The following SOX5 variants were observed in gnomAD, a reference collection of about 807,000 sequenced individuals.
SOX5 encodes SRY-box transcription factor 5.
Under a neutral mutation model 92.0 loss-of-function variants are expected in SOX5, and 9 were observed. The ratio of observed to expected loss-of-function variants is 0.10; its 90% CI spans 0.06 to 0.17. SOX5 has a LOEUF of 0.17. SOX5 is among the 10% of genes least tolerant of loss of function. The probability of loss-of-function intolerance (pLI) is 1.00; values close to 1 mark genes in which losing one functional copy is unlikely to be tolerated. For missense variants in SOX5, 642 were observed against 944.5 expected, an observed-to-expected ratio of 0.68 and a Z score of 4.20; for synonymous variants, 344 against 336.3, an observed-to-expected ratio of 1.02 and a Z score of -0.25.
chr12:23,664,542 T>C (rs889858876), intron 7 of SOX5, among the ~76,000 whole-genome samples: 3 of 152,184 alleles, frequency 2.0e-5, no homozygotes, highest in African/African-American at 7.2e-5. Flanking sequence ...TGTGTTATTA[T>C]TTTTATCTTA....
chr12:24,354,293 A>G (rs1399179686), intron 2 of SOX5, among the ~76,000 whole-genome samples: 1 of 152,242 alleles, frequency 6.6e-6, no homozygotes, highest in Non-Finnish European at 1.5e-5. Flanking sequence ...AAACAAAAAA[A>G]TCCCTCAATA....
intron 4 of SOX5, among the ~76,000 whole-genome samples, chr12:24,015,510 C>T (rs1485557163): frequency 6.6e-6 from 1 of 152,070 alleles, no homozygotes; most frequent in Non-Finnish European, 1.5e-5. Flanking sequence ...TATTGTTCGC[C>T]TCTTGTTCCC....
chr12:23,995,931 G>A (rs1014818447), intron 4 of SOX5, among the ~76,000 whole-genome samples: 5 of 152,064 alleles, frequency 3.3e-5, no homozygotes, highest in Non-Finnish European at 7.4e-5. Flanking sequence ...CCTTTAATCT[G>A]TCTTACCTTG....
chr12:24,485,392 AAAAGC>A (rs775725847), intron 1 of SOX5, among the ~76,000 whole-genome samples: 8 of 152,226 alleles, frequency 5.3e-5, no homozygotes, highest in Non-Finnish European at 1.0e-4. Flanking sequence ...AACTGGCATT[AAAAGC>A]ACAGAATTGT....
At chr12:24,283,997 G>A (rs973387239) in intron 2 of SOX5, among the ~76,000 whole-genome samples, 2 of 152,220 alleles carry the variant, frequency 1.3e-5, no homozygotes, top group African/African-American at 2.4e-5. Flanking sequence ...TGAACAGGAA[G>A]TATGTAAAAA....
intron 4 of SOX5, among the ~76,000 whole-genome samples, chr12:23,973,235 C>T (rs139586463): frequency 0.019 from 2,855 of 147,472 alleles, 32 homozygotes; most frequent in East Asian, 0.03. Flanking sequence ...GATCTCAGCT[C>T]ACTGCAACCT....
intron 6 of SOX5, among the ~76,000 whole-genome samples, chr12:23,724,933 A>C (rs1166427154): frequency 6.6e-6 from 1 of 152,178 alleles, no homozygotes; most frequent in African/African-American, 2.4e-5. Context: ...GGTGACCAAC[A>C]TGGTTAGGAG....
chr12:23,952,486 A>C (rs1007235074), upstream of SOX5, among the ~76,000 whole-genome samples: 1 of 152,248 alleles, frequency 6.6e-6, no homozygotes, highest in Non-Finnish European at 1.5e-5. Context: ...TTTTATTGGC[A>C]CTTAATATAT....
At chr12:24,400,993 A>T (rs1310376892) in intron 1 of SOX5, among the ~76,000 whole-genome samples, 1 of 152,196 alleles carries the variant, frequency 6.6e-6, no homozygotes, top group Non-Finnish European at 1.5e-5. Context: ...GGTGACAGAG[A>T]CATTAACTTT....
intron 1 of SOX5, among the ~76,000 whole-genome samples, chr12:24,528,247 C>T (rs1464218094): frequency 6.6e-6 from 1 of 152,166 alleles, no homozygotes; most frequent in Non-Finnish European, 1.5e-5. Context: ...GTGGCAGAGT[C>T]GGCTCTGCTG....
intron 3 of SOX5, among the ~76,000 whole-genome samples, chr12:23,826,556 G>A (rs2096238171): frequency 6.6e-6 from 1 of 152,116 alleles, no homozygotes; most frequent in Admixed American, 6.5e-5. Flanking sequence ...TATAAGGACT[G>A]ACAACTGACC....
chr12:23,827,009 T>A (rs971444374), intron 3 of SOX5, among the ~76,000 whole-genome samples: 1 of 152,212 alleles, frequency 6.6e-6, no homozygotes, highest in African/African-American at 2.4e-5. Flanking sequence ...CAGCTACTGA[T>A]CTCTTCAGTA....
At chr12:24,483,560 T>C (rs907001369) in intron 1 of SOX5, among the ~76,000 whole-genome samples, 1 of 152,204 alleles carries the variant, frequency 6.6e-6, no homozygotes, top group African/African-American at 2.4e-5. Context: ...AGGAACTCCT[T>C]TGTATTTAAC....
chr12:24,325,692 A>C (rs973152719), intron 2 of SOX5, among the ~76,000 whole-genome samples: 23 of 152,228 alleles, frequency 1.5e-4, no homozygotes, highest in Non-Finnish European at 3.4e-4. Context: ...GATATGATAT[A>C]AAAAAGGACA....
In SOX5 at chr12:24,131,624, C is replaced by T. The variant is rs550623484; in HGVS notation, c.-2+81719G>A. On this transcript the variant is annotated intron_variant, in intron 4 of 4. Coordinates refer to the SOX5 transcript ENST00000446891. ...TTTATAATCTCACTGTAAGAATATG[C>T]AGAAGATGAAAATGTACAACAGAAG... Among the ~76,000 whole-genome samples the T allele has an allele frequency of 7.9e-5, 12 of 152,202 alleles. No homozygotes were observed. The South Asian group carries it at 2.5e-3, about 32-fold the overall frequency.
intron 1 of SOX5, among the ~76,000 whole-genome samples, chr12:23,913,354 T>C (rs1465399790): frequency 6.6e-6 from 1 of 152,134 alleles, no homozygotes; most frequent in Non-Finnish European, 1.5e-5. Flanking sequence ...TTTCTTTTTT[T>C]AAGTTCTTTT....
intron 1 of SOX5, among the ~76,000 whole-genome samples, chr12:24,425,737 C>T (rs1196239407): frequency 6.6e-6 from 1 of 152,178 alleles, no homozygotes; most frequent in East Asian, 1.9e-4. Context: ...GGCTGTTCCT[C>T]AGAAACTATG....
At chr12:24,048,549 A>G (rs1006253714) in intron 4 of SOX5, among the ~76,000 whole-genome samples, 4 of 152,194 alleles carry the variant, frequency 2.6e-5, no homozygotes, top group African/African-American at 9.6e-5. Context: ...AATGTTCATA[A>G]CCACATTATT....
intron 3 of SOX5, among the ~76,000 whole-genome samples, chr12:23,838,879 A>C (rs1594925136): frequency 3.2e-5 from 4 of 125,460 alleles, no homozygotes; most frequent in African/African-American, 6.0e-5. Flanking sequence ...TCGCTTTGTC[A>C]CCCAGGCTGG....
Sources: allele counts gnomAD v4.1 joint callset (sites outside exome capture counted in the v4.1 genomes callset), GRCh38; gene constraint gnomAD v4.1.1; transcripts MANE v1.5; gene names NCBI Gene and HGNC (gene_info 2026-07-23, HGNC 2026-07-21).